The following ALDH4A1 variants were observed in gnomAD, a reference collection of about 807,000 sequenced individuals.
ALDH4A1 encodes the protein delta-1-pyrroline-5-carboxylate dehydrogenase, mitochondrial.
ALDH4A1 carries 46 observed loss-of-function variants against 70.5 expected under a neutral mutation model. That is an observed-to-expected ratio of 0.65 (90% confidence interval 0.51 to 0.83). ALDH4A1 has a LOEUF of 0.83. Among genes scored for constraint, ALDH4A1 ranks in the 40% least tolerant of loss-of-function variants. The pLI, the probability that ALDH4A1 is intolerant of heterozygous loss-of-function variation, is 0.00. For synonymous variants in ALDH4A1, 323 were observed against 324.3 expected (o/e 1.00, Z 0.04); for missense variants, 749 against 766.5 (o/e 0.98, Z 0.27).
chr1:18,885,663 T>A lies in ALDH4A1; in HGVS notation c.298-35A>T, dbSNP rs1472944699. The A allele has an allele frequency of 3.1e-6, 5 of 1,613,040 alleles. No individual in the cohort carries two copies. The African/African-American group carries it at 6.7e-5, about 22-fold the overall frequency. The stretch of plus-strand genomic sequence containing the variant: ...GAGGGAGAGGTTGGGGACTGCCACC[T>A]GCAGCGGGAAAGGCCCTGGGGAGTG... On this transcript the variant is annotated intron_variant, in intron 4 of 14. Transcript: ENST00000375341.
intron 3 of ALDH4A1, among the ~76,000 whole-genome samples, chr1:18,888,964 G>A (rs1935328933): frequency 2.0e-5 from 3 of 152,228 alleles, no homozygotes; most frequent in Admixed American, 2.0e-4. Flanking sequence ...CCTGGCCCAC[G>A]TAAAGTGCAT....
chr1:18,900,172 T>A (rs1935753392), intron 1 of ALDH4A1, among the ~76,000 whole-genome samples: 1 of 152,178 alleles, frequency 6.6e-6, no homozygotes, highest in African/African-American at 2.4e-5. Context: ...GTATCAAGGG[T>A]ATTTTTTAAA....
rs780624320 is a variant in ALDH4A1, at chr1:18,877,586, C to T, written c.967G>A (p.Val323Met). 14 of 1,610,050 alleles carry T rather than the reference C, an allele frequency of 8.7e-6. No individual in the cohort carries two copies. The highest frequency in any genetic ancestry group is 8.5e-6 in the Non-Finnish European group (10 of 1,179,332). ...CTCTCCACGTCGGCCGAGCGGTGCA[C>T]GAAGTGGAAGTTCTTTCCGCCGCAC... Reference protein sequence around the residue: ...GECGGKNFHFVHRSADVESVV... With the variant: ...GECGGKNFHFMHRSADVESVV... Residue 323 changes from valine to methionine, a missense_variant, in exon 10 of 15, where the codon GTG (valine) becomes ATG (methionine). Coordinates refer to ENST00000375341, the MANE Select transcript of ALDH4A1 (RefSeq NM_003748.4).
At chr1:18,876,538 C>A in intron 11 of ALDH4A1, 71 bp from the exon 12 acceptor site, 1 of 1,495,490 alleles carries the variant, frequency 6.7e-7, no homozygotes. Flanking sequence ...CCACAACACA[C>A]TCACCCCGAA....
At chr1:18,877,633 G>GCCCCCCC in intron 9 of ALDH4A1, 21 bp from the exon 10 acceptor site, 1 of 683,756 alleles carries the variant, frequency 1.5e-6, no homozygotes, top group Non-Finnish European at 2.6e-6. Flanking sequence ...CGGGGGTGGG[G>GCCCCCCC]AAATGACCAG....
intron 5 of ALDH4A1, 32 bp downstream of exon 5, chr1:18,885,441 G>GCCCCCCCCCCCCC: frequency 2.4e-6 from 1 of 423,746 alleles, no homozygotes; most frequent in Non-Finnish European, 3.8e-6. Context: ...ACCCCACCCC[G>GCCCCCCCCCCCCC]CCCCACCCAC....
intron 5 of ALDH4A1, among the ~76,000 whole-genome samples, 181 bp from the exon 6 acceptor site, chr1:18,883,609 G>C (rs2100577036): frequency 6.6e-6 from 1 of 152,340 alleles, no homozygotes; most frequent in Non-Finnish European, 1.5e-5. Flanking sequence ...TCAAGCCCCT[G>C]AGCTAGCACC....
At position 18,880,435 on chromosome 1, in the gene ALDH4A1, T is replaced by C. The variant is rs554052452; in HGVS notation, c.867-1062A>G. On this transcript the variant is annotated intron_variant, in intron 8 of 14. Coordinates refer to ENST00000375341, the MANE Select transcript of ALDH4A1 (RefSeq NM_003748.4). The surrounding 1 kb of genome is among the most constrained non-coding windows in gnomAD (Gnocchi z 5.1). ...CAGGACAGGCAATGGCCACTGTGCC[T>C]CCCTGCATCCTTCTCACCTGAACCT... 3.9e-4 allele frequency among the ~76,000 whole-genome samples: 58 copies of C among 150,444 alleles called. No individual in the cohort carries two copies. The highest frequency in any genetic ancestry group is 7.7e-4 in the Non-Finnish European group (52 of 67,758).
At chr1:18,894,577 T>C (rs987371721) in intron 1 of ALDH4A1, among the ~76,000 whole-genome samples, 3 of 152,172 alleles carry the variant, frequency 2.0e-5, no homozygotes, top group African/African-American at 7.2e-5. Flanking sequence ...CGGCCAGTTC[T>C]CCTTTCTCCG....
intron 12 of ALDH4A1, 26 bp downstream of exon 12, chr1:18,876,289 G>T: frequency 6.2e-7 from 1 of 1,612,614 alleles, no homozygotes. Flanking sequence ...TCCTCCTCTG[G>T]ACCCCAGGCT....
At chr1:18,873,782 T>A (rs965489528) in intron 14 of ALDH4A1, among the ~76,000 whole-genome samples, 1 of 152,186 alleles carries the variant, frequency 6.6e-6, no homozygotes, top group African/African-American at 2.4e-5. Flanking sequence ...TGGGTAATAG[T>A]AAGCACGCTT....
chr1:18,889,886 C>T (rs1317135725), intron 2 of ALDH4A1, 126 bp downstream of exon 2: 2 of 885,602 alleles, frequency 2.3e-6, no homozygotes, highest in Non-Finnish European at 3.4e-6. Flanking sequence ...CAGGCTTCCA[C>T]CCAAGGCTGG....
rs1935695153 is a variant in ALDH4A1 at position 18,898,453 on chromosome 1, T to C, written c.62+4009A>G. Among the ~76,000 whole-genome samples the C allele has an allele frequency of 6.6e-6, 1 of 152,226 alleles. No individual in the cohort carries two copies. The highest frequency in any genetic ancestry group is 6.5e-5 in the Admixed American group (1 of 15,286). On this transcript the variant is annotated intron_variant, in intron 1 of 14. Transcript: ENST00000375341. This position sits in a 1 kb window ranked among gnomAD's most constrained non-coding sequence, Gnocchi z 4.3. ...CTCCCCTCCTGCCACCATCCTTCACTGCTGGGCCCTGCTGTCTTGATATTC... is the reference window on the plus strand; with the variant it reads ...CTCCCCTCCTGCCACCATCCTTCACCGCTGGGCCCTGCTGTCTTGATATTC...
intron 6 of ALDH4A1, 31 bp downstream of exon 6, chr1:18,883,248 C>G: frequency 6.2e-7 from 1 of 1,613,120 alleles, no homozygotes; most frequent in Non-Finnish European, 8.5e-7. Flanking sequence ...TGGGCTGCCC[C>G]GCCTGCTCGC....
At chr1:18,877,918 G>A (rs983039432) in intron 9 of ALDH4A1, among the ~76,000 whole-genome samples, 1 of 152,146 alleles carries the variant, frequency 6.6e-6, no homozygotes, top group Non-Finnish European at 1.5e-5. Flanking sequence ...AACAGCAGAG[G>A]ACAGATGAGA....
chr1:18,883,845 G>A (rs1391741256), intron 5 of ALDH4A1, among the ~76,000 whole-genome samples: 2 of 152,226 alleles, frequency 1.3e-5, no homozygotes, highest in Non-Finnish European at 1.5e-5. Context: ...AAAACCAGGA[G>A]AGAGACTCGG....
rs763369468 is a variant in ALDH4A1 at position 18,885,519 on chromosome 1, C to T, written c.407G>A (p.Ser136Asn). ...GAGGATCTCAGCCCTGCGCGGCCCA[C>T]TCAGCATGTCTGCCGCCTTCAGGAA... ...QIFLKAADMLSGPRRAEILAK... is the reference protein window; with the variant it reads ...QIFLKAADMLNGPRRAEILAK... The change falls in exon 5 of 15, where the codon AGT (serine) becomes AAT (asparagine). Residue 136 changes from serine to asparagine, a missense_variant. Coordinates refer to ENST00000375341, the MANE Select transcript of ALDH4A1 (RefSeq NM_003748.4). The T allele has an allele frequency of 4.4e-6, 7 of 1,602,644 alleles. 1 individual carries two copies. In the South Asian group the frequency reaches 6.7e-5, roughly 15 times the overall value.
In ALDH4A1 at chr1:18,880,250, CG is replaced by C. The variant is rs11320823; in HGVS notation, c.867-878del. On this transcript the variant is annotated intron_variant, in intron 8 of 14. Transcript: ENST00000375341. The surrounding 1 kb of genome is among the most constrained non-coding windows in gnomAD (Gnocchi z 5.1). ...TAAGAAGGACCCTGAGCTGCAGACC[CG>C]GGCGTCTGGCTGCCTCCAGGCATCT... Among the ~76,000 whole-genome samples the C allele has an allele frequency of 0.96, 146,381 of 152,158 alleles. 70,652 individuals carry two copies. Among genetic ancestry groups the C allele is most frequent in the South Asian group, 1 (4,826 of 4,828 alleles).
chr1:18,899,546 AG>A (rs11353740), intron 1 of ALDH4A1, among the ~76,000 whole-genome samples: 2,251 of 152,368 alleles, frequency 0.015, 57 homozygotes, highest in African/African-American at 0.052. Context: ...AGAAAAAAAC[AG>A]GAAGTCAGGG....
Sources: gnomAD v4.1 joint callset for allele counts (sites outside exome capture counted in the v4.1 genomes callset) on GRCh38, gnomAD v4.1.1 for gene constraint, Gnocchi (gnomAD v3.1) non-coding constraint, MANE v1.5 for transcripts, NCBI Gene and HGNC (gene_info 2026-07-23, HGNC 2026-07-21) for gene names.